The following WFDC10B variants were observed in gnomAD, a reference collection of about 807,000 sequenced individuals.
WFDC10B encodes the protein protein WFDC10B.
In WFDC10B, 1 loss-of-function variant was observed where a neutral mutation model predicts 2.7. That is an observed-to-expected ratio of 0.38 (90% CI 0.13 to 1.79). The LOEUF (loss-of-function observed/expected upper bound fraction) is 1.79. Ranked by LOEUF, WFDC10B falls within the 40% of genes most tolerant of loss-of-function variation. The pLI is 0.33. For synonymous variants in WFDC10B, 26 were observed against 32.2 expected (o/e 0.81, Z 0.65); for missense variants, 71 against 87.8 (o/e 0.81, Z 0.76).
At position 45,704,370 on chromosome 20, in the gene WFDC10B, C is replaced by T. The variant is rs1035705697; in HGVS notation, c.-65+127G>A. The T allele has an allele frequency of 8.5e-6, 13 of 1,535,680 alleles. No individual in the cohort carries two copies. In the Admixed American group the frequency reaches 2.6e-4, roughly 31 times the overall value. ...AGGGTGGCAGGTTTCCTGGCAGTTC[C>T]CTGGGCTTTCTGAGTTCTGAACATT... On this transcript the variant is annotated intron_variant, in intron 2 of 3. Transcript: ENST00000330523.
intron 1 of WFDC10B, 68 bp downstream of exon 1, chr20:45,704,850 C>A: frequency 6.6e-7 from 1 of 1,524,446 alleles, no homozygotes; most frequent in Non-Finnish European, 9.1e-7. Flanking sequence ...CTGAACACAC[C>A]CACAAATGCC....
At chr20:45,690,074 C>T (rs1269136741) in intron 2 of WFDC10B, among the ~76,000 whole-genome samples, 8 of 152,102 alleles carry the variant, frequency 5.3e-5, no homozygotes, top group Non-Finnish European at 1.0e-4. Context: ...TTGTCAAAGG[C>T]CTTTTCTGCA....
At chr20:45,702,177 G>C in intron 2 of WFDC10B, 1 of 1,613,310 alleles carries the variant, frequency 6.2e-7, no homozygotes. Flanking sequence ...TAGCACTGCA[G>C]CTGGTGCCTG....
chr20:45,693,281 A>C (rs902548921), intron 2 of WFDC10B, among the ~76,000 whole-genome samples: 19 of 152,218 alleles, frequency 1.2e-4, no homozygotes, highest in Non-Finnish European at 2.5e-4. Flanking sequence ...GTCAGGGGTC[A>C]GGGACCCACT....
At chr20:45,697,291 T>C (rs1013491667) in intron 2 of WFDC10B, among the ~76,000 whole-genome samples, 7 of 151,524 alleles carry the variant, frequency 4.6e-5, no homozygotes, top group African/African-American at 1.7e-4. Context: ...AATTTAACCA[T>C]GGAGGTAAAA....
chr20:45,696,156 G>A (rs896635687), intron 2 of WFDC10B, among the ~76,000 whole-genome samples: 10 of 151,856 alleles, frequency 6.6e-5, no homozygotes, highest in African/African-American at 2.2e-4. Context: ...ATGGTGGTAT[G>A]AGCCTTGTAG....
chr20:45,693,527 C>T (rs1380571790), intron 2 of WFDC10B, among the ~76,000 whole-genome samples: 3 of 152,198 alleles, frequency 2.0e-5, no homozygotes, highest in African/African-American at 7.2e-5. Flanking sequence ...CAAGCCTGTG[C>T]AATGGTGGGC....
chr20:45,704,166 A>G (rs918288500), intron 2 of WFDC10B, among the ~76,000 whole-genome samples: 7 of 152,208 alleles, frequency 4.6e-5, no homozygotes, highest in East Asian at 1.9e-4. Context: ...ACCATAGTCA[A>G]TGGGGGCTTG....
intron 2 of WFDC10B, among the ~76,000 whole-genome samples, chr20:45,696,042 T>G (rs2145639530): frequency 6.6e-6 from 1 of 151,960 alleles, no homozygotes; most frequent in East Asian, 1.9e-4. Context: ...ATCCCAGCAC[T>G]TTGGGAGGCC....
At chr20:45,691,619 G>A (rs1440819416) in intron 2 of WFDC10B, among the ~76,000 whole-genome samples, 1 of 151,366 alleles carries the variant, frequency 6.6e-6, no homozygotes, top group African/African-American at 2.4e-5. Context: ...TTTGATCTTT[G>A]TTGGTTTAAA....
intron 2 of WFDC10B, among the ~76,000 whole-genome samples, chr20:45,691,311 C>T (rs1983804816): frequency 6.6e-6 from 1 of 152,000 alleles, no homozygotes; most frequent in Non-Finnish European, 1.5e-5. Context: ...AATGTATATT[C>T]TGTTGATTTG....
chr20:45,689,887 G>A (rs1400929033), intron 2 of WFDC10B, among the ~76,000 whole-genome samples: 1 of 152,084 alleles, frequency 6.6e-6, no homozygotes, highest in Non-Finnish European at 1.5e-5. Flanking sequence ...TGTTGAATAG[G>A]AGTGGTGAGA....
At chr20:45,686,532 A>AT (rs201621296) in intron 2 of WFDC10B, among the ~76,000 whole-genome samples, 5 of 136,168 alleles carry the variant, frequency 3.7e-5, no homozygotes, top group African/African-American at 1.2e-4. Flanking sequence ...AAAAGACATA[A>AT]TTTTTTTGGG....
rs757736643 is a variant in WFDC10B at position 45,684,910 on chromosome 20, A to C, written c.142T>G (p.Cys48Gly). 3 of 1,613,992 alleles carry C rather than the reference A, an allele frequency of 1.9e-6. No individual in the cohort carries two copies. In the East Asian group the frequency reaches 6.7e-5, roughly 36 times the overall value. The change falls in exon 4 of 4, where the codon TGT (cysteine) becomes GGT (glycine). Residue 48 changes from cysteine to glycine, a missense_variant. Physicochemically the swap from Cys to Gly is radical, Grantham distance 159 (BLOSUM62 -3). Transcript: ENST00000330523. ...GTTTCACACTTTTGGAAATATGAAC[A>C]GTGGTGGATGCATAGATCTATGCTG... ...RPSIDLCIHH[C>G]SYFQKCETNK...
At chr20:45,689,749 A>G (rs932734764) in intron 2 of WFDC10B, among the ~76,000 whole-genome samples, 2 of 152,158 alleles carry the variant, frequency 1.3e-5, no homozygotes, top group African/African-American at 4.8e-5. Context: ...GGGCTGAGAC[A>G]ATGGGGTTTT....
chr20:45,692,354 C>T (rs1479965150), intron 2 of WFDC10B, among the ~76,000 whole-genome samples: 1 of 152,010 alleles, frequency 6.6e-6, no homozygotes, highest in African/African-American at 2.4e-5. Flanking sequence ...GTGGCATTCT[C>T]TGTATTTCCT....
At chr20:45,693,084 G>C (rs1017515209) in intron 2 of WFDC10B, among the ~76,000 whole-genome samples, 1 of 152,170 alleles carries the variant, frequency 6.6e-6, no homozygotes, top group Non-Finnish European at 1.5e-5. Flanking sequence ...GAGTTTGCTA[G>C]AGGTCCACTC....
chr20:45,697,447 T>C (rs192758675), intron 2 of WFDC10B, among the ~76,000 whole-genome samples: 364 of 136,978 alleles, frequency 2.7e-3, no homozygotes, highest in Non-Finnish European at 3.9e-3. Context: ...TGCAGTGGCA[T>C]GATCTTGGCT....
intron 2 of WFDC10B, among the ~76,000 whole-genome samples, chr20:45,686,441 A>G (rs1472454340): frequency 6.6e-6 from 1 of 152,040 alleles, no homozygotes; most frequent in Non-Finnish European, 1.5e-5. Flanking sequence ...TCATTTTTGA[A>G]TCACCTATCT....
Sources: allele counts gnomAD v4.1 joint callset (sites outside exome capture counted in the v4.1 genomes callset), GRCh38; gene constraint gnomAD v4.1.1; transcripts MANE v1.5; gene names NCBI Gene and HGNC (gene_info 2026-07-23, HGNC 2026-07-21).